SMARCA2: variants seen among roughly 807,000 people sequenced by gnomAD.
SMARCA2 encodes the protein SWI/SNF related BAF chromatin remodeling complex subunit ATPase 2.
In SMARCA2, 61 loss-of-function variants were observed where a neutral mutation model predicts 199.8. The ratio of observed to expected loss-of-function variants is 0.31; its 90% CI spans 0.25 to 0.38. The LOEUF is 0.38. Among genes scored for constraint, SMARCA2 ranks in the 10% least tolerant of loss-of-function variants. The pLI is 1.00. For synonymous variants in SMARCA2, 935 were observed against 732.0 expected (o/e 1.28, Z -4.48); for missense variants, 1,344 against 2,012.2 (o/e 0.67, Z 6.35).
At chr9:2,060,645 G>A (rs1183927063) in intron 8 of SMARCA2, among the ~76,000 whole-genome samples, 171 bp from the exon 9 acceptor site, 4 of 152,194 alleles carry the variant, frequency 2.6e-5, no homozygotes, top group African/African-American at 9.6e-5. Flanking sequence ...TCACACTTCT[G>A]TGTGTTTGTC....
At chr9:2,177,644 C>G (rs186050068) in intron 29 of SMARCA2, among the ~76,000 whole-genome samples, 3 of 152,136 alleles carry the variant, frequency 2.0e-5, no homozygotes, top group Admixed American at 6.5e-5. Flanking sequence ...CCTCCGCCTC[C>G]TGGGTTCAAG....
chr9:2,116,422 C>T (rs1823220466), intron 25 of SMARCA2, among the ~76,000 whole-genome samples: 1 of 152,124 alleles, frequency 6.6e-6, no homozygotes, highest in South Asian at 2.1e-4. Flanking sequence ...GGTCCTCTTT[C>T]TCTCATCCTC....
chr9:2,154,089 A>G (rs1586762298), intron 27 of SMARCA2, among the ~76,000 whole-genome samples: 1 of 152,172 alleles, frequency 6.6e-6, no homozygotes, highest in Non-Finnish European at 1.5e-5. Context: ...TCTTACTATG[A>G]TATGATCTGG....
At chr9:2,181,723 C>T (rs1827035962) in intron 30 of SMARCA2, 47 bp downstream of exon 30, 1 of 995,314 alleles carries the variant, frequency 1.0e-6, no homozygotes. Context: ...AATAAAGGAG[C>T]AGTGTAAAGT....
intron 27 of SMARCA2, among the ~76,000 whole-genome samples, chr9:2,143,242 G>C (rs1325718977): frequency 1.3e-5 from 2 of 152,266 alleles, no homozygotes; most frequent in Non-Finnish European, 2.9e-5. Context: ...TTGGAAATAC[G>C]TGACCCCTGC....
At chr9:2,077,569 A>C (rs1354103054) in intron 13 of SMARCA2, 60 bp from the exon 14 acceptor site, 2 of 1,544,370 alleles carry the variant, frequency 1.3e-6, no homozygotes, top group East Asian at 2.3e-5. Flanking sequence ...TTTTGAGTGA[A>C]GTAAAACAAC....
At chr9:2,129,242 C>G (rs1187442237) in intron 27 of SMARCA2, among the ~76,000 whole-genome samples, 1 of 152,080 alleles carries the variant, frequency 6.6e-6, no homozygotes, top group South Asian at 2.1e-4. Flanking sequence ...CACGGTGAAA[C>G]CCCATCTCTA....
intron 29 of SMARCA2, among the ~76,000 whole-genome samples, chr9:2,176,657 TCCTCCCACCTCAG>T (rs1826626821): frequency 6.6e-6 from 1 of 151,956 alleles, no homozygotes; most frequent in East Asian, 1.9e-4. Context: ...GCTCAAGCGA[TCCTCCCACCTCAG>T]CCTCCCAAGT....
chr9:2,150,014 G>C (rs1268858602), intron 27 of SMARCA2, among the ~76,000 whole-genome samples: 1 of 151,456 alleles, frequency 6.6e-6, no homozygotes, highest in Non-Finnish European at 1.5e-5. Context: ...AATAATATGT[G>C]TATGTGCATC....
At chr9:2,071,890 T>C (rs1168282226) in intron 10 of SMARCA2, 1 of 152,250 alleles carries the variant, frequency 6.6e-6, no homozygotes, top group African/African-American at 2.4e-5. Context: ...AGAAGTGTCA[T>C]GTTGGCATGC....
chr9:2,042,627 T>A (rs970408544), intron 4 of SMARCA2: 18 of 152,062 alleles, frequency 1.2e-4, no homozygotes, highest in Non-Finnish European at 2.6e-4. Context: ...CCTGAGTGCC[T>A]TTTCTGGATC....
chr9:2,128,181 G>A (rs1050297564), intron 27 of SMARCA2, among the ~76,000 whole-genome samples: 4 of 152,136 alleles, frequency 2.6e-5, no homozygotes, highest in South Asian at 2.1e-4. Context: ...GTTTAAGCAC[G>A]GCATTGGGGG....
At chr9:2,159,600 C>G (rs1187906044) in intron 27 of SMARCA2, 3 of 481,478 alleles carry the variant, frequency 6.2e-6, no homozygotes, top group Non-Finnish European at 1.1e-5. Context: ...ATCTCTAATT[C>G]TGCTGCCTGG....
intron 14 of SMARCA2, among the ~76,000 whole-genome samples, chr9:2,080,899 G>A (rs1821538977): frequency 6.6e-6 from 1 of 152,194 alleles, no homozygotes; most frequent in Non-Finnish European, 1.5e-5. Context: ...AGGGAGGCAT[G>A]CATCTTACAG....
At position 2,016,688 on chromosome 9, in the gene SMARCA2, G is replaced by A. The variant is rs1292468625; in HGVS notation, c.-37+1284G>A. On this transcript the variant is annotated intron_variant, in intron 1 of 33. Coordinates refer to ENST00000349721, the MANE Select transcript of SMARCA2 (RefSeq NM_003070.5). The surrounding 1 kb of genome is among the most constrained non-coding windows in gnomAD (Gnocchi z 5.6). The stretch of plus-strand genomic sequence containing the variant: ...TGGGGAGGGAATAGGGGGGTGGCGA[G>A]GGCGGGAGGCGGGGAGACCGGGTAG... Among the ~76,000 whole-genome samples, 1 of 151,764 alleles carries A rather than the reference G, an allele frequency of 6.6e-6. No individual in the cohort carries two copies. The highest frequency in any genetic ancestry group is 1.5e-5 in the Non-Finnish European group (1 of 67,880).
chr9:2,166,972 G>A (rs777676976), intron 28 of SMARCA2, among the ~76,000 whole-genome samples: 7 of 152,200 alleles, frequency 4.6e-5, no homozygotes, highest in Non-Finnish European at 1.0e-4. Flanking sequence ...GGCACTTAAT[G>A]ATGTTATTTA....
At chr9:2,060,114 T>C (rs891357940) in intron 8 of SMARCA2, among the ~76,000 whole-genome samples, 2 of 85,190 alleles carry the variant, frequency 2.3e-5, no homozygotes, top group African/African-American at 1.0e-4. Context: ...TGCAGATCTG[T>C]GGCCAAAAAA....
intron 1 of SMARCA2, among the ~76,000 whole-genome samples, chr9:2,015,635 C>T (rs1020124340): frequency 6.6e-6 from 1 of 152,200 alleles, no homozygotes. Flanking sequence ...AATGCTCTAA[C>T]GACAGCTCCC....
chr9:2,192,634 G>C, intron 33 of SMARCA2, 70 bp from the exon 34 acceptor site: 4 of 1,091,350 alleles, frequency 3.7e-6, no homozygotes, highest in Non-Finnish European at 5.7e-6. Flanking sequence ...CCTCTTGATG[G>C]TTTGTTGTTA....
Sources: gnomAD v4.1 joint callset for allele counts (sites outside exome capture counted in the v4.1 genomes callset) on GRCh38, gnomAD v4.1.1 for gene constraint, Gnocchi (gnomAD v3.1) non-coding constraint, MANE v1.5 for transcripts, NCBI Gene and HGNC (gene_info 2026-07-23, HGNC 2026-07-21) for gene names.